DCBLD2: variants seen among roughly 807,000 people sequenced by gnomAD.
DCBLD2 encodes discoidin, CUB and LCCL domain containing 2.
In DCBLD2, 54 loss-of-function variants were observed where a neutral mutation model predicts 86.8. The observed-to-expected ratio is 0.62, with a 90% CI of 0.50 to 0.78. The LOEUF (loss-of-function observed/expected upper bound fraction) is 0.78, where lower values mean the gene tolerates loss of function less well. DCBLD2 is among the 30% of genes least tolerant of loss of function. DCBLD2 has a pLI of 0.00. For missense variants in DCBLD2, 908 were observed against 954.2 expected (o/e 0.95, Z 0.64); for synonymous variants, 354 against 341.3 (o/e 1.04, Z -0.41).
At chr3:98,820,981 G>C (rs373496278) in intron 6 of DCBLD2, 1 of 90,734 alleles carries the variant, frequency 1.1e-5, no homozygotes, top group African/African-American at 4.2e-5. Flanking sequence ...AAATAATCTA[G>C]AAAAAAAAAA....
At chr3:98,812,255 ACTCT>A (rs1941952279) in intron 10 of DCBLD2, 73 bp downstream of exon 10, 2 of 1,530,592 alleles carry the variant, frequency 1.3e-6, no homozygotes, top group African/African-American at 1.4e-5. Context: ...ATTATTAATT[ACTCT>A]CTCTGAGAAC....
chr3:98,835,607 TG>T (rs1182816248), intron 3 of DCBLD2, among the ~76,000 whole-genome samples: 6 of 149,570 alleles, frequency 4.0e-5, no homozygotes, highest in African/African-American at 1.5e-4. Flanking sequence ...TTGAGTGCAA[TG>T]GTGCAATCTC....
chr3:98,839,179 T>TTCCTTCCTTCCTTCCTTCCTTC lies in DCBLD2; in HGVS notation c.571+10281_571+10282insGAAGGAAGGAAGGAAGGAAGGA, dbSNP rs1559781597. ...TCTTTCTTTCTTTCTTTCCTTTCTT[T>TTCCTTCCTTCCTTCCTTCCTTC]CTTCCTTCCTTCCTTCCTTCCTTCC... On this transcript the variant is annotated intron_variant, in intron 3 of 15. Coordinates refer to ENST00000326840, the MANE Select transcript of DCBLD2 (RefSeq NM_080927.4). Among the ~76,000 whole-genome samples the TTCCTTCCTTCCTTCCTTCCTTC allele has an allele frequency of 5.2e-4, 59 of 113,214 alleles. 1 individual carries two copies. Among genetic ancestry groups the TTCCTTCCTTCCTTCCTTCCTTC allele is most frequent in the Admixed American group, 1.2e-3 (14 of 11,486 alleles). The allele number at this position is 113,214 out of a possible 152,430, so 74.3% of individuals were successfully genotyped here.
intron 3 of DCBLD2, among the ~76,000 whole-genome samples, chr3:98,841,533 G>A (rs940069826): frequency 6.6e-6 from 1 of 152,038 alleles, no homozygotes; most frequent in African/African-American, 2.4e-5. Context: ...CAGCACATTG[G>A]TTACTATCAT....
At chr3:98,809,665 T>C (rs1941902844) in intron 12 of DCBLD2, among the ~76,000 whole-genome samples, 2 of 152,078 alleles carry the variant, frequency 1.3e-5, no homozygotes, top group South Asian at 4.1e-4. Context: ...GTAAAATAGC[T>C]ACAGTTGAGA....
At chr3:98,822,567 G>A in intron 5 of DCBLD2, 102 bp downstream of exon 5, 1 of 1,302,932 alleles carries the variant, frequency 7.7e-7, no homozygotes, top group Non-Finnish European at 1.0e-6. Flanking sequence ...TCTTAAAAAG[G>A]CAAAAGATAA....
At chr3:98,801,486 AAC>A in intron 14 of DCBLD2, 112 bp downstream of exon 14, 1 of 706,702 alleles carries the variant, frequency 1.4e-6, no homozygotes, top group Non-Finnish European at 2.3e-6. Flanking sequence ...CCATTGTTCT[AAC>A]AGTGTCGGGG....
intron 14 of DCBLD2, 49 bp downstream of exon 14, chr3:98,801,551 G>A (rs761284103): frequency 6.0e-6 from 9 of 1,506,472 alleles, no homozygotes; most frequent in Non-Finnish European, 8.2e-6. Context: ...CCCTGTAGGG[G>A]AGCGACATCC....
chr3:98,865,161 C>T (rs765919192), intron 2 of DCBLD2, among the ~76,000 whole-genome samples: 17 of 152,114 alleles, frequency 1.1e-4, no homozygotes, highest in Non-Finnish European at 1.9e-4. Flanking sequence ...TACCTACACT[C>T]CCATGTTCAC....
chr3:98,885,714 G>A (rs76800841), intron 1 of DCBLD2, among the ~76,000 whole-genome samples: 230 of 151,264 alleles, frequency 1.5e-3, no homozygotes, highest in Non-Finnish European at 1.8e-3. Flanking sequence ...TTTAAAAGTA[G>A]AACTAAAATT....
intron 1 of DCBLD2, among the ~76,000 whole-genome samples, chr3:98,899,245 T>C (rs949415189): frequency 6.8e-6 from 1 of 147,104 alleles, no homozygotes; most frequent in Non-Finnish European, 1.5e-5. Flanking sequence ...CTGATTAGAC[T>C]GGCTATTTCT....
intron 3 of DCBLD2, among the ~76,000 whole-genome samples, chr3:98,838,775 G>T (rs1387878498): frequency 6.6e-6 from 1 of 152,122 alleles, no homozygotes; most frequent in Non-Finnish European, 1.5e-5. Flanking sequence ...CTGAGTGAAC[G>T]AGACTCCGTC....
At chr3:98,825,643 T>TTATATATATATATATATATATATA (rs56736194) in intron 3 of DCBLD2, among the ~76,000 whole-genome samples, 8 of 115,080 alleles carry the variant, frequency 7.0e-5, no homozygotes, top group Admixed American at 2.1e-4. Flanking sequence ...ATATGTGTAT[T>TTATATATATATATATATATATATA]TATATATATA....
chr3:98,874,280 A>G (rs1410814120), intron 2 of DCBLD2, among the ~76,000 whole-genome samples: 1 of 152,204 alleles, frequency 6.6e-6, no homozygotes, highest in Non-Finnish European at 1.5e-5. Flanking sequence ...AAGAAAATGC[A>G]AAGTAAATTA....
intron 2 of DCBLD2, among the ~76,000 whole-genome samples, chr3:98,854,042 G>A (rs1942888518): frequency 6.6e-6 from 1 of 151,624 alleles, no homozygotes; most frequent in Non-Finnish European, 1.5e-5. Context: ...AACAAAATTT[G>A]GAATTCTCAA....
chr3:98,889,920 TA>T (rs1943629305), intron 1 of DCBLD2, among the ~76,000 whole-genome samples: 1 of 151,984 alleles, frequency 6.6e-6, no homozygotes, highest in African/African-American at 2.4e-5. Flanking sequence ...GGGTAACAAC[TA>T]AAAACACACA....
intron 2 of DCBLD2, among the ~76,000 whole-genome samples, chr3:98,869,449 G>A (rs948465423): frequency 6.6e-6 from 1 of 152,096 alleles, no homozygotes; most frequent in South Asian, 2.1e-4. Context: ...TTCAGTTTGA[G>A]TCCCATTTAT....
rs1387921945 is a variant in DCBLD2, at chr3:98,841,938, G to GCA, written c.571+7522_571+7523insTG. Among the ~76,000 whole-genome samples, 3 of 151,990 alleles carry GCA rather than the reference G, an allele frequency of 2.0e-5. No homozygotes were observed. The East Asian group carries it at 5.8e-4, about 29-fold the overall frequency. Reference sequence around the variant, plus strand: ...AAATTAGCCGGGCATGGTGGCGTGTGCCTGTAGTCCCAGCTACTTGGGAGG... The same window carrying GCA: ...AAATTAGCCGGGCATGGTGGCGTGTGCACCTGTAGTCCCAGCTACTTGGGAGG... On this transcript the variant is annotated intron_variant, in intron 3 of 15. Transcript: ENST00000326840.
At chr3:98,816,570 C>T (rs1002421525) in intron 9 of DCBLD2, among the ~76,000 whole-genome samples, 6 of 151,830 alleles carry the variant, frequency 4.0e-5, no homozygotes, top group Admixed American at 1.3e-4. Flanking sequence ...GTTCATGTGA[C>T]GCCAAGTAGA....
Sources: gnomAD v4.1 joint callset for allele counts (sites outside exome capture counted in the v4.1 genomes callset) on GRCh38, gnomAD v4.1.1 for gene constraint, MANE v1.5 for transcripts, NCBI Gene and HGNC (gene_info 2026-07-23, HGNC 2026-07-21) for gene names.